Variants in STAB2 observed in about 807,000 individuals in gnomAD.
STAB2 encodes stabilin 2, also known as stabilin-2.
In STAB2, 288 loss-of-function variants were observed where a neutral mutation model predicts 338.1. That is an observed-to-expected ratio of 0.85 (90% CI 0.77 to 0.94). The LOEUF is 0.94. Ranked by LOEUF, STAB2 falls within the 40% of genes least tolerant of loss-of-function variation. The pLI, the probability that STAB2 is intolerant of heterozygous loss-of-function variation, is 0.00. For synonymous variants in STAB2, 1,202 were observed against 1,193.3 expected (o/e 1.01, Z -0.15); for missense variants, 3,141 against 3,210.1 (o/e 0.98, Z 0.52).
At chr12:103,677,817 C>G (rs1876529792) in intron 25 of STAB2, among the ~76,000 whole-genome samples, 1 of 152,190 alleles carries the variant, frequency 6.6e-6, no homozygotes, top group East Asian at 1.9e-4. Flanking sequence ...CAATGAGAAG[C>G]TATTTGCATA....
chr12:103,729,931 G>C (rs1441560757), intron 48 of STAB2, among the ~76,000 whole-genome samples, 185 bp from the exon 49 acceptor site: 2 of 152,112 alleles, frequency 1.3e-5, no homozygotes, highest in African/African-American at 4.8e-5. Flanking sequence ...ACTTCTCCAG[G>C]TGAAAGTTAC....
At chr12:103,672,558 T>G (rs961208105) in intron 22 of STAB2, among the ~76,000 whole-genome samples, 1 of 152,166 alleles carries the variant, frequency 6.6e-6, no homozygotes, top group East Asian at 1.9e-4. Flanking sequence ...CTCACTTGTG[T>G]TGTTCTCTTT....
At chr12:103,666,218 A>T (rs943807318) in intron 18 of STAB2, 73 bp from the exon 19 acceptor site, 2 of 1,482,704 alleles carry the variant, frequency 1.3e-6, no homozygotes, top group East Asian at 4.6e-5. Flanking sequence ...GAAGCATGAA[A>T]CCAGCCACAG....
At chr12:103,669,508 G>A in intron 20 of STAB2, 33 bp from the exon 21 acceptor site, 1 of 1,570,014 alleles carries the variant, frequency 6.4e-7, no homozygotes, top group Non-Finnish European at 8.8e-7. Flanking sequence ...TCTACTTGGG[G>A]GTTCAAAGGG....
intron 30 of STAB2, among the ~76,000 whole-genome samples, chr12:103,691,300 G>T (rs1877916485): frequency 6.6e-6 from 1 of 152,124 alleles, no homozygotes; most frequent in Non-Finnish European, 1.5e-5. Flanking sequence ...GAGAATTACT[G>T]CCCTAAAACA....
chr12:103,747,418 CTTTTCTGAACTCCTT>C (rs1222609331), intron 58 of STAB2, among the ~76,000 whole-genome samples: 1 of 152,188 alleles, frequency 6.6e-6, no homozygotes, highest in Non-Finnish European at 1.5e-5. Flanking sequence ...GGCTGAACTC[CTTTTCTGAACTCCTT>C]TTATCTTGTG....
chr12:103,740,885 C>A, intron 55 of STAB2, 129 bp downstream of exon 55: 1 of 1,322,326 alleles, frequency 7.6e-7, no homozygotes, highest in East Asian at 2.7e-5. Flanking sequence ...TCCCAGACCC[C>A]AGAACTCTGA....
chr12:103,591,791 G>A (rs1956802023), intron 2 of STAB2, among the ~76,000 whole-genome samples: 2 of 152,168 alleles, frequency 1.3e-5, no homozygotes, highest in Admixed American at 6.5e-5. Flanking sequence ...GATAACTCAA[G>A]GCTAATTCTG....
chr12:103,610,351 G>A (rs1458512267), intron 3 of STAB2, among the ~76,000 whole-genome samples: 1 of 152,122 alleles, frequency 6.6e-6, no homozygotes, highest in Non-Finnish European at 1.5e-5. Context: ...ATTAATTATT[G>A]CCTCAATTTC....
At chr12:103,648,891 A>G in intron 10 of STAB2, 68 bp downstream of exon 10, 1 of 1,573,574 alleles carries the variant, frequency 6.4e-7, no homozygotes, top group Non-Finnish European at 8.6e-7. Context: ...TGCAAGATAC[A>G]ATGATTCAGA....
In STAB2 at chr12:103,668,717, T is replaced by C. The variant is rs1485346020; in HGVS notation, c.2160T>C (p.Asn720=). The C allele has an allele frequency of 6.5e-7, 1 of 1,547,352 alleles. No individual in the cohort carries two copies. The highest frequency in any genetic ancestry group is 8.7e-7 in the Non-Finnish European group (1 of 1,144,180). The change falls in exon 20 of 69, where the codon AAT becomes AAC. Residue 720 remains asparagine (N), a synonymous_variant. Transcript: ENST00000388887. ...SLKSGCARYC[N]ATVKIPKCCK... ...AGAGCGGCTGTGCCCGGTACTGCAA[T>C]GCCACTGTGAAGGTGAGGAGCGCGT...
chr12:103,702,455 C>T (rs1247684865), intron 34 of STAB2, among the ~76,000 whole-genome samples: 4 of 152,070 alleles, frequency 2.6e-5, no homozygotes, highest in Non-Finnish European at 5.9e-5. Flanking sequence ...CCCGCCACCG[C>T]GCCCGGCTAA....
rs552277658 is a variant in STAB2 at position 103,713,771 on chromosome 12, A to G, written c.4537+3A>G. 4.3e-6 allele frequency: 7 copies of G among 1,613,530 alleles called. 1 individual carries two copies. The African/African-American group carries it at 5.3e-5, about 12-fold the overall frequency. ...GGGTGATGGCATTGTGTGCCTGGGTAGGTGTCCTTCCCTCTTCCATCGGCG... is the reference window on the plus strand; with the variant it reads ...GGGTGATGGCATTGTGTGCCTGGGTGGGTGTCCTTCCCTCTTCCATCGGCG... On this transcript the variant is annotated splice_donor_region_variant and intron_variant, in intron 42 of 68. Coordinates refer to ENST00000388887, the MANE Select transcript of STAB2 (RefSeq NM_017564.10).
At chr12:103,733,360 C>T (rs1391158548) in intron 51 of STAB2, among the ~76,000 whole-genome samples, 178 bp downstream of exon 51, 1 of 152,142 alleles carries the variant, frequency 6.6e-6, no homozygotes, top group Non-Finnish European at 1.5e-5. Flanking sequence ...TTGATTGGCT[C>T]CTGCAGTATA....
chr12:103,598,085 C>T (rs1956902934), intron 3 of STAB2, among the ~76,000 whole-genome samples: 1 of 152,150 alleles, frequency 6.6e-6, no homozygotes, highest in South Asian at 2.1e-4. Flanking sequence ...TCCTTTTAGG[C>T]ATTTCCTTTT....
chr12:103,693,005 C>T (rs563190459), intron 31 of STAB2, 116 bp downstream of exon 31: 31 of 663,300 alleles, frequency 4.7e-5, no homozygotes, highest in Admixed American at 6.2e-5. Context: ...TGGAAGTAAC[C>T]GGTACTGTGC....
intron 18 of STAB2, 106 bp from the exon 19 acceptor site, chr12:103,666,185 G>C: frequency 8.9e-7 from 1 of 1,117,868 alleles, no homozygotes; most frequent in Non-Finnish European, 1.4e-6. Context: ...TCATGGCTCA[G>C]TGGGGTTTCC....
chr12:103,695,146 AAC>A (rs1555241044), intron 31 of STAB2, among the ~76,000 whole-genome samples: 1 of 152,228 alleles, frequency 6.6e-6, no homozygotes, highest in Non-Finnish European at 1.5e-5. Context: ...CTAAAGAATA[AAC>A]ACACGAATAA....
intron 6 of STAB2, among the ~76,000 whole-genome samples, chr12:103,633,464 C>T (rs1486539577): frequency 6.6e-6 from 1 of 152,184 alleles, no homozygotes; most frequent in Non-Finnish European, 1.5e-5. Flanking sequence ...GGGTGGATCA[C>T]CTGAGGTCAG....
Sources: gnomAD v4.1 joint callset for allele counts (sites outside exome capture counted in the v4.1 genomes callset) on GRCh38, gnomAD v4.1.1 for gene constraint, MANE v1.5 for transcripts, NCBI Gene and HGNC (gene_info 2026-07-23, HGNC 2026-07-21) for gene names.